SLC26A7: variants seen among roughly 807,000 people sequenced by gnomAD.
SLC26A7 encodes anion exchange transporter.
In SLC26A7, 59 loss-of-function variants were observed where a neutral mutation model predicts 82.5. The observed-to-expected ratio is 0.72, with a 90% CI of 0.58 to 0.89. The LOEUF is 0.89. Among genes scored for constraint, SLC26A7 ranks in the 40% least tolerant of loss-of-function variants. The pLI is 0.00. For missense variants in SLC26A7, 820 were observed against 793.0 expected (o/e 1.03, Z -0.41); for synonymous variants, 271 against 274.3 (o/e 0.99, Z 0.12).
chr8:91,365,419 G>A (rs1814166150), intron 13 of SLC26A7, among the ~76,000 whole-genome samples: 1 of 152,228 alleles, frequency 6.6e-6, no homozygotes, highest in African/African-American at 2.4e-5. Flanking sequence ...CAGGCCATGG[G>A]TTGGACAAGT....
chr8:91,358,929 G>T (rs1336278763), intron 11 of SLC26A7, among the ~76,000 whole-genome samples: 1 of 152,046 alleles, frequency 6.6e-6, no homozygotes. Flanking sequence ...AGGGCCGGTT[G>T]TGGGTTGGGG....
At chr8:91,394,610 A>G (rs1808514498) in intron 18 of SLC26A7, 6 of 1,162,944 alleles carry the variant, frequency 5.2e-6, no homozygotes, top group Non-Finnish European at 6.4e-6. Flanking sequence ...CCTCACCCCT[A>G]GAATAACATT....
chr8:91,284,872 G>C (rs183023433), intron 2 of SLC26A7, among the ~76,000 whole-genome samples: 1 of 152,222 alleles, frequency 6.6e-6, no homozygotes, highest in Non-Finnish European at 1.5e-5. Context: ...TTAAGCACAA[G>C]TGATTTGATC....
chr8:91,238,777 A>T (rs1013062580), intron 2 of SLC26A7, among the ~76,000 whole-genome samples: 1 of 151,928 alleles, frequency 6.6e-6, no homozygotes, highest in Non-Finnish European at 1.5e-5. Flanking sequence ...AAAAATTCTG[A>T]TCATCCTGCA....
intron 2 of SLC26A7, among the ~76,000 whole-genome samples, chr8:91,226,800 T>C (rs1810245712): frequency 6.6e-6 from 1 of 152,242 alleles, no homozygotes; most frequent in Non-Finnish European, 1.5e-5. Context: ...AAGGTAGTAT[T>C]TGATCAGAGA....
chr8:91,337,256 T>G (rs1490584790), intron 6 of SLC26A7, among the ~76,000 whole-genome samples: 1 of 152,212 alleles, frequency 6.6e-6, no homozygotes, highest in Non-Finnish European at 1.5e-5. Context: ...GGCCATTGAT[T>G]ATTAGATATT....
intron 15 of SLC26A7, among the ~76,000 whole-genome samples, chr8:91,385,075 G>A (rs906559363): frequency 1.1e-4 from 16 of 152,148 alleles, no homozygotes; most frequent in African/African-American, 3.9e-4. Context: ...ACAGGAGAGA[G>A]CTGGCTTCCA....
At chr8:91,267,572 G>A (rs1811148974) in intron 2 of SLC26A7, among the ~76,000 whole-genome samples, 1 of 151,514 alleles carries the variant, frequency 6.6e-6, no homozygotes, top group Admixed American at 6.6e-5. Flanking sequence ...AGTCTTTTAT[G>A]ACCTTTTGTA....
intron 2 of SLC26A7, among the ~76,000 whole-genome samples, chr8:91,242,105 T>C (rs1810482734): frequency 6.6e-6 from 1 of 152,202 alleles, no homozygotes; most frequent in Non-Finnish European, 1.5e-5. Flanking sequence ...TTCATTTTTT[T>C]TCTCTGCTAT....
chr8:91,394,400 T>G (rs1032829108), intron 18 of SLC26A7: 1 of 1,473,770 alleles, frequency 6.8e-7, no homozygotes, highest in African/African-American at 1.4e-5. Flanking sequence ...TATGGCCTTT[T>G]AAGTTTTTTC....
At position 91,287,937 on chromosome 8, in the gene SLC26A7, A is replaced by G. The variant is rs1037579683; in HGVS notation, c.194-1199A>G. On this transcript the variant is annotated intron_variant, in intron 2 of 18. Coordinates refer to ENST00000276609, the MANE Select transcript of SLC26A7 (RefSeq NM_052832.4). Reference sequence around the variant, plus strand: ...CACTGACTCTTCTATAATCACTTTTATCGTATTTTCACCAGACTGTAGGGA... The same window carrying G: ...CACTGACTCTTCTATAATCACTTTTGTCGTATTTTCACCAGACTGTAGGGA... Among the ~76,000 whole-genome samples, 74 of 152,260 alleles carry G rather than the reference A, an allele frequency of 4.9e-4. No individual in the cohort carries two copies. The Middle Eastern group carries it at 0.01, about 21-fold the overall frequency.
At chr8:91,374,208 G>A (rs1164713415) in intron 15 of SLC26A7, among the ~76,000 whole-genome samples, 1 of 149,420 alleles carries the variant, frequency 6.7e-6, no homozygotes. Flanking sequence ...TATTTTTTTT[G>A]TCTCAATTTC....
chr8:91,323,202 G>T (rs1168286378), intron 5 of SLC26A7, among the ~76,000 whole-genome samples: 1 of 152,084 alleles, frequency 6.6e-6, no homozygotes, highest in African/African-American at 2.4e-5. Flanking sequence ...CCTGAAAAAT[G>T]GACAGAATAA....
chr8:91,358,217 C>G (rs1366359280), intron 11 of SLC26A7, among the ~76,000 whole-genome samples: 1 of 152,076 alleles, frequency 6.6e-6, no homozygotes, highest in Admixed American at 6.5e-5. Context: ...CTTCAGGGAT[C>G]TAGAACTGGA....
At chr8:91,244,171 A>G (rs1290716319) in intron 2 of SLC26A7, among the ~76,000 whole-genome samples, 1 of 152,130 alleles carries the variant, frequency 6.6e-6, no homozygotes, top group Non-Finnish European at 1.5e-5. Flanking sequence ...AGCATCTTCA[A>G]TTCTTCTTAA....
Position 91,396,277 on chromosome 8 carries a change from T to C in SLC26A7, c.*1180T>C, listed in dbSNP as rs1366228433. The C allele has an allele frequency of 6.6e-6, 1 of 152,088 alleles. No homozygotes were observed. The highest frequency in any genetic ancestry group is 1.9e-4 in the East Asian group (1 of 5,196). The allele number at this position is 152,088 out of a possible 1,614,324, so 9.4% of individuals were successfully genotyped here. On this transcript the variant is annotated 3_prime_UTR_variant, in exon 19 of 19. Coordinates refer to ENST00000276609, the MANE Select transcript of SLC26A7 (RefSeq NM_052832.4). ...AGGAAAAAATTATCACCTTCAAAGATAGGCATAGACACATAATTATGCTTA... is the reference window on the plus strand; with the variant it reads ...AGGAAAAAATTATCACCTTCAAAGACAGGCATAGACACATAATTATGCTTA...
intron 4 of SLC26A7, among the ~76,000 whole-genome samples, chr8:91,317,308 T>C (rs1812664913): frequency 6.6e-6 from 1 of 152,180 alleles, no homozygotes; most frequent in African/African-American, 2.4e-5. Flanking sequence ...AGGATGTTGC[T>C]ATGAAAAGTA....
intron 11 of SLC26A7, among the ~76,000 whole-genome samples, chr8:91,359,940 A>G (rs1202096786): frequency 6.6e-6 from 1 of 152,032 alleles, no homozygotes. Flanking sequence ...AGTTTAAAAT[A>G]TCATGTACAT....
rs187335217 is a variant in SLC26A7, at chr8:91,373,075, G to T, written c.1675+3242G>T. 3.1e-4 allele frequency among the ~76,000 whole-genome samples: 47 copies of T among 151,982 alleles called. No individual in the cohort carries two copies. In the East Asian group the frequency reaches 8.9e-3, roughly 29 times the overall value. ...GCAACAGATTCTGTGCATTAATTTT[G>T]TATCCTGAAACTTTACTGAGTCATT... On this transcript the variant is annotated intron_variant, in intron 15 of 18. Transcript: ENST00000276609.
Sources: gnomAD v4.1 joint callset for allele counts (sites outside exome capture counted in the v4.1 genomes callset) on GRCh38, gnomAD v4.1.1 for gene constraint, MANE v1.5 for transcripts, NCBI Gene and HGNC (gene_info 2026-07-23, HGNC 2026-07-21) for gene names.